Variants in RBFOX1 observed in about 807,000 individuals in gnomAD.
RBFOX1 encodes the protein RNA binding fox-1 homolog 1, also known as RNA binding protein fox-1 homolog 1.
A neutral mutation model predicts 57.7 loss-of-function variants in RBFOX1; 8 were observed. The observed-to-expected ratio is 0.14, with a 90% CI of 0.08 to 0.25. The LOEUF is 0.25. RBFOX1 is among the 10% of genes least tolerant of loss of function. The pLI is 1.00. For missense variants in RBFOX1, 611 were observed against 548.5 expected (o/e 1.11, Z -1.14); for synonymous variants, 326 against 222.4 (o/e 1.47, Z -4.15).
chr16:6,805,677 C>A (rs1015234328), intron 3 of RBFOX1, among the ~76,000 whole-genome samples: 1 of 149,842 alleles, frequency 6.7e-6, no homozygotes, highest in African/African-American at 2.5e-5. Flanking sequence ...ATGCTGAAAA[C>A]ATGTGAAATT....
At chr16:5,749,937 G>A (rs1567488519) in intron 3 of RBFOX1, among the ~76,000 whole-genome samples, 1 of 152,158 alleles carries the variant, frequency 6.6e-6, no homozygotes. Context: ...AGGGGGAGAG[G>A]TACTCTGATT....
intron 4 of RBFOX1, among the ~76,000 whole-genome samples, chr16:7,388,962 T>C (rs554020297): frequency 2.0e-5 from 3 of 152,198 alleles, no homozygotes; most frequent in African/African-American, 4.8e-5. Flanking sequence ...CAGAGCTTAA[T>C]AGAGTGCCTA....
At chr16:5,339,978 G>C (rs1263683560) in intron 1 of RBFOX1, among the ~76,000 whole-genome samples, 1 of 152,156 alleles carries the variant, frequency 6.6e-6, no homozygotes, top group African/African-American at 2.4e-5. Flanking sequence ...ATTCCAAGAT[G>C]TTGAGGAATG....
chr16:7,040,182 G>T (rs2045724426), intron 3 of RBFOX1, among the ~76,000 whole-genome samples: 3 of 151,864 alleles, frequency 2.0e-5, no homozygotes, highest in African/African-American at 4.8e-5. Context: ...CACCATGCTA[G>T]CTAGTTTTCT....
intron 4 of RBFOX1, among the ~76,000 whole-genome samples, chr16:7,401,658 A>G (rs149194167): frequency 1.3e-4 from 20 of 152,348 alleles, no homozygotes; most frequent in African/African-American, 4.3e-4. Flanking sequence ...TTCATTATCT[A>G]TCAAGTAGAG....
At chr16:6,919,226 G>A (rs901003607) in intron 3 of RBFOX1, among the ~76,000 whole-genome samples, 6 of 151,880 alleles carry the variant, frequency 4.0e-5, no homozygotes, top group Non-Finnish European at 8.8e-5. Flanking sequence ...CAGGTGATCC[G>A]CCCGCCTCAG....
At chr16:5,736,977 A>G (rs937486878) in intron 3 of RBFOX1, among the ~76,000 whole-genome samples, 2 of 131,800 alleles carry the variant, frequency 1.5e-5, no homozygotes, top group Non-Finnish European at 3.1e-5. Flanking sequence ...CTTTATTCCT[A>G]TCTTTCTCTG....
chr16:6,206,335 G>A (rs944402421), intron 1 of RBFOX1, among the ~76,000 whole-genome samples: 1 of 152,088 alleles, frequency 6.6e-6, no homozygotes, highest in African/African-American at 2.4e-5. Flanking sequence ...TATCCTTCAG[G>A]AATCTGCTGA....
intron 2 of RBFOX1, among the ~76,000 whole-genome samples, chr16:6,383,602 G>T (rs941173692): frequency 6.6e-6 from 1 of 152,002 alleles, no homozygotes; most frequent in Non-Finnish European, 1.5e-5. Flanking sequence ...GTGAAACCCC[G>T]TGTCTACTGA....
intron 1 of RBFOX1, among the ~76,000 whole-genome samples, chr16:6,141,793 A>G (rs796881639): frequency 3.2e-4 from 49 of 152,236 alleles, no homozygotes; most frequent in African/African-American, 1.2e-3. Flanking sequence ...TCTTTTTTAA[A>G]AATCTGTAAT....
At chr16:7,059,880 T>C (rs536946092) in intron 4 of RBFOX1, among the ~76,000 whole-genome samples, 2 of 152,230 alleles carry the variant, frequency 1.3e-5, no homozygotes, top group African/African-American at 4.8e-5. Flanking sequence ...GAAAAATGAG[T>C]GCAGTAAGAA....
intron 1 of RBFOX1, among the ~76,000 whole-genome samples, chr16:6,032,102 T>C (rs1037037430): frequency 3.9e-5 from 6 of 152,128 alleles, no homozygotes; most frequent in African/African-American, 1.4e-4. Context: ...TTAGCCTCTT[T>C]CTTAAAGGTT....
At chr16:6,790,508 G>C (rs900120914) in intron 3 of RBFOX1, among the ~76,000 whole-genome samples, 31 of 151,972 alleles carry the variant, frequency 2.0e-4, no homozygotes, top group African/African-American at 7.2e-4. Context: ...TTTTTGTTTT[G>C]TTTGCATCAT....
chr16:5,762,735 C>A (rs1337603787), intron 3 of RBFOX1, among the ~76,000 whole-genome samples: 2 of 152,128 alleles, frequency 1.3e-5, no homozygotes, highest in African/African-American at 4.8e-5. Flanking sequence ...AAAATGGAAT[C>A]CTTTGCAGCC....
chr16:5,779,747 G>T (rs531569316), intron 3 of RBFOX1, among the ~76,000 whole-genome samples: 7 of 152,248 alleles, frequency 4.6e-5, no homozygotes, highest in Admixed American at 4.6e-4. Flanking sequence ...TTTGGCCTTG[G>T]CTGCAGAATA....
intron 2 of RBFOX1, among the ~76,000 whole-genome samples, chr16:6,423,968 G>A (rs1028674059): frequency 2.6e-5 from 4 of 152,150 alleles, no homozygotes; most frequent in African/African-American, 9.7e-5. Flanking sequence ...GTCCAGGCGT[G>A]GTGGCTCACG....
At chr16:6,913,720 C>T (rs541794945) in intron 3 of RBFOX1, among the ~76,000 whole-genome samples, 5 of 152,142 alleles carry the variant, frequency 3.3e-5, no homozygotes, top group Non-Finnish European at 7.4e-5. Flanking sequence ...TCCTCCCCTG[C>T]GTACCCTCCT....
At chr16:5,639,198 G>A (rs189603211) in intron 3 of RBFOX1, among the ~76,000 whole-genome samples, 2 of 152,210 alleles carry the variant, frequency 1.3e-5, no homozygotes, top group South Asian at 2.1e-4. Context: ...TGCGTGATAC[G>A]TTCTAGAATT....
intron 3 of RBFOX1, among the ~76,000 whole-genome samples, chr16:5,757,237 T>G (rs1372760885): frequency 3.3e-5 from 5 of 149,904 alleles, no homozygotes; most frequent in Non-Finnish European, 7.4e-5. Flanking sequence ...TTGTGTTTTT[T>G]TTTTTTTTTT....
Sources: allele counts gnomAD v4.1 joint callset (sites outside exome capture counted in the v4.1 genomes callset), GRCh38; gene constraint gnomAD v4.1.1; transcripts MANE v1.5; gene names NCBI Gene and HGNC (gene_info 2026-07-23, HGNC 2026-07-21).